The following ZNF506 variants were observed in gnomAD, a reference collection of about 807,000 sequenced individuals.
ZNF506 encodes zinc finger protein 506.
In ZNF506, 10 loss-of-function variants were observed where a neutral mutation model predicts 11.6. The observed-to-expected ratio is 0.86, with a 90% CI of 0.53 to 1.46. ZNF506 has a LOEUF of 1.46. Ranked by LOEUF, ZNF506 falls within the 40% of genes most tolerant of loss-of-function variation. The probability of loss-of-function intolerance (pLI) is 0.00; values close to 1 mark genes in which losing one functional copy is unlikely to be tolerated. For missense variants in ZNF506, 425 were observed against 521.2 expected, an observed-to-expected ratio of 0.82 and a Z score of 1.80; for synonymous variants, 156 against 173.3, an observed-to-expected ratio of 0.90 and a Z score of 0.78.
chr19:19,807,137 G>A (rs1410442939), intron 1 of ZNF506, 69 bp from the exon 2 acceptor site: 1 of 1,602,898 alleles, frequency 6.2e-7, no homozygotes, highest in Non-Finnish European at 8.5e-7. Flanking sequence ...GACTTCAGGT[G>A]AAATGAGAGA....
intron 2 of ZNF506, 80 bp from the exon 3 acceptor site, chr19:19,806,206 T>G: frequency 9.8e-7 from 1 of 1,024,698 alleles, no homozygotes; most frequent in East Asian, 3.0e-5. Flanking sequence ...GCAGAGAGGA[T>G]GTGATAAAGT....
chr19:19,818,349 C>G (rs777559180), intron 1 of ZNF506, among the ~76,000 whole-genome samples: 2 of 152,016 alleles, frequency 1.3e-5, no homozygotes, highest in Non-Finnish European at 2.9e-5. Flanking sequence ...ACAAATTTAC[C>G]CTGCAAAAAG....
In ZNF506 at chr19:19,808,171, C is replaced by T. The variant is rs560141181; in HGVS notation, c.4-1103G>A. Reference sequence around the variant, plus strand: ...CGGAGTCTCGCTAGGTCGCCCAGGCCGGAGTGCAGTGGCGCGATCTCGGCT... The same window carrying T: ...CGGAGTCTCGCTAGGTCGCCCAGGCTGGAGTGCAGTGGCGCGATCTCGGCT... On this transcript the variant is annotated intron_variant, in intron 1 of 3. Transcript: ENST00000540806. Among the ~76,000 whole-genome samples, 120 of 124,330 alleles carry T rather than the reference C, an allele frequency of 9.7e-4. 1 individual carries two copies. Among genetic ancestry groups the T allele is most frequent in the African/African-American group, 3.1e-3 (99 of 31,708 alleles). 81.6% of individuals were successfully genotyped at this position (124,330 alleles called of 152,430 possible).
chr19:19,802,204 CAAAAA>C (rs34663133), intron 3 of ZNF506, among the ~76,000 whole-genome samples: 4 of 97,546 alleles, frequency 4.1e-5, no homozygotes, highest in Non-Finnish European at 6.7e-5. Context: ...GACTCTATCT[CAAAAA>C]AAAAAAAAAA....
intron 1 of ZNF506, among the ~76,000 whole-genome samples, chr19:19,813,548 G>T (rs2062901006): frequency 6.6e-6 from 1 of 151,824 alleles, no homozygotes; most frequent in African/African-American, 2.4e-5. Flanking sequence ...CTCATAATTG[G>T]GTATATACCC....
intron 3 of ZNF506, among the ~76,000 whole-genome samples, chr19:19,801,705 C>A (rs1433456885): frequency 2.0e-5 from 3 of 150,222 alleles, no homozygotes; most frequent in African/African-American, 7.5e-5. Context: ...GCAGAAGAAT[C>A]TCTTGTACCC....
At chr19:19,810,505 T>C (rs1286089263) in intron 1 of ZNF506, among the ~76,000 whole-genome samples, 4 of 152,312 alleles carry the variant, frequency 2.6e-5, no homozygotes, top group Admixed American at 2.6e-4. Flanking sequence ...TTCCAGGATG[T>C]AGTTAAAGGT....
chr19:19,805,800 T>G (rs1316739369), intron 3 of ZNF506, among the ~76,000 whole-genome samples: 6 of 151,374 alleles, frequency 4.0e-5, no homozygotes, highest in Non-Finnish European at 8.8e-5. Flanking sequence ...TGAAGGAAGC[T>G]CACCGAAAGA....
intron 3 of ZNF506, chr19:19,798,670 A>AAG (rs2062765862): frequency 6.7e-6 from 1 of 150,076 alleles, no homozygotes; most frequent in African/African-American, 2.4e-5. Context: ...AAAAAAAAAA[A>AAG]AAAAAAGAAA....
chr19:19,798,465 G>T (rs981232317), intron 3 of ZNF506: 23 of 150,750 alleles, frequency 1.5e-4, no homozygotes, highest in African/African-American at 5.4e-4. Context: ...TGGCTAACAC[G>T]GTGAAACCCC....
chr19:19,805,545 C>T lies in ZNF506; in HGVS notation c.226+486G>A, dbSNP rs547782463. On this transcript the variant is annotated intron_variant, in intron 3 of 3. Coordinates refer to ENST00000540806, the MANE Select transcript of ZNF506 (RefSeq NM_001099269.3). The stretch of plus-strand genomic sequence containing the variant: ...AAGAACAAAGCAGAAGGATATCATA[C>T]TTAAAATTTCAAACTATACATTTCA... 3.3e-5 allele frequency among the ~76,000 whole-genome samples: 5 copies of T among 151,838 alleles called. No homozygotes were observed. The East Asian group carries it at 5.8e-4, about 18-fold the overall frequency.
chr19:19,815,214 C>T (rs1015646340), intron 1 of ZNF506, among the ~76,000 whole-genome samples: 9 of 152,240 alleles, frequency 5.9e-5, no homozygotes, highest in Admixed American at 2.0e-4. Context: ...GAGCCGAGAT[C>T]GCGCCACTGC....
Position 19,794,538 on chromosome 19 carries a change from C to T in ZNF506, c.*14G>A. ...CACATTCATCACATTCATACGGTTT[C>T]TCTCCAGTATGAATTATCTTATGCT... On this transcript the variant is annotated 3_prime_UTR_variant, in exon 4 of 4. Coordinates refer to ENST00000540806, the MANE Select transcript of ZNF506 (RefSeq NM_001099269.3). 1 of 1,570,366 alleles carries T rather than the reference C, an allele frequency of 6.4e-7. No individual in the cohort carries two copies.
In ZNF506 at chr19:19,806,969, C is replaced by CT; in HGVS notation, c.102dup (p.Glu35ArgfsTer15). 6.2e-7 allele frequency: 1 copy of CT among 1,613,758 alleles called. No homozygotes were observed. The highest frequency in any genetic ancestry group is 8.5e-7 in the Non-Finnish European group (1 of 1,179,884). ...AGGAAGATCAGGTTTCTGTAGTTCT[C>CT]TAACATCACATCCCTATATAGATTC... On this transcript the variant is annotated frameshift_variant, in exon 2 of 4. Coordinates refer to ENST00000540806, the MANE Select transcript of ZNF506 (RefSeq NM_001099269.3). LOFTEE classifies it high-confidence loss of function.
chr19:19,808,108 C>CTTTTTTTTT lies in ZNF506; in HGVS notation c.4-1049_4-1041dup, dbSNP rs757160026. 4.7e-3 allele frequency among the ~76,000 whole-genome samples: 265 copies of CTTTTTTTTT among 56,780 alleles called. 56 individuals are homozygous for CTTTTTTTTT. Among genetic ancestry groups the CTTTTTTTTT allele is most frequent in the African/African-American group, 8.0e-3 (104 of 12,970 alleles). The allele number at this position is 56,780 out of a possible 152,430, so 37.2% of individuals were successfully genotyped here. A position where few individuals can be genotyped will look rare whatever the true frequency, so the allele number is the denominator to read the frequency against. On this transcript the variant is annotated intron_variant, in intron 1 of 3. Transcript: ENST00000540806. ...ACTTAACCAAGTGAATCATTAACCA[C>CTTTTTTTTT]TTTTTTTTTTTTTTTTTTTTTTTTT...
At chr19:19,818,809 C>T (rs2062950968) in intron 1 of ZNF506, among the ~76,000 whole-genome samples, 3 of 151,988 alleles carry the variant, frequency 2.0e-5, no homozygotes, top group Admixed American at 2.0e-4. Context: ...TTGAAGCCAG[C>T]CTGGTCCATC....
Position 19,806,993 on chromosome 19 carries a change from T to C in ZNF506, c.79A>G (p.Asn27Asp). The C allele has an allele frequency of 6.2e-7, 1 of 1,614,080 alleles. No homozygotes were observed. The highest frequency in any genetic ancestry group is 8.5e-7 in the Non-Finnish European group (1 of 1,179,966). Residue 27 changes from asparagine to aspartate, a missense_variant, in exon 2 of 4, where the codon AAT becomes GAT. This residue lies in a region of ZNF506 where 226 missense variants were observed against 279.1 expected (regional missense o/e 0.81). Coordinates refer to ENST00000540806, the MANE Select transcript of ZNF506 (RefSeq NM_001099269.3). ...EWHCLDAAQR[N>D]LYRDVMLENY... ...TCTAACATCACATCCCTATATAGAT[T>C]CCGCTGTGCAGCGTCCAGGCAATGC...
Position 19,794,578 on chromosome 19 carries a change from G to T in ZNF506, c.1309C>A (p.Pro437Thr). ...TATCTTATGCTTATTAAGGGTTGAG[G>T]AACATTTAAAAGATTTTCCACATTC... ...VKNVENLLNV[P>T]QPLISIR The change falls in exon 4 of 4, where the codon CCT (proline) becomes ACT (threonine). Residue 437 changes from proline (P) to threonine (T), a missense_variant. Physicochemically the swap from Pro to Thr is conservative, Grantham distance 38. Around this residue, in one of 3 missense-constraint regions of ZNF506, gnomAD observed 192 missense variants for 215.7 expected, o/e 0.89. Transcript: ENST00000540806. 1 of 1,600,640 alleles carries T rather than the reference G, an allele frequency of 6.2e-7. No individual in the cohort carries two copies. Among genetic ancestry groups the T allele is most frequent in the Non-Finnish European group, 8.5e-7 (1 of 1,174,818 alleles).
At position 19,795,649 on chromosome 19, in the gene ZNF506, G is replaced by A. The variant is rs759480342; in HGVS notation, c.238C>T (p.His80Tyr). ...TCTGACCAAAGGTCTTGGGCAAAAT[G>A]AGAATACATAACTGAAAGAAACAAT... The part of the protein sequence containing the change: ...MIAKPPVMYS[H>Y]FAQDLWSEQS... The change falls in exon 4 of 4, where the codon CAT (histidine) becomes TAT (tyrosine). Residue 80 changes from histidine (H) to tyrosine (Y), a missense_variant. This residue lies in a region of ZNF506 where 226 missense variants were observed against 279.1 expected (regional missense o/e 0.81). Coordinates refer to ENST00000540806, the MANE Select transcript of ZNF506 (RefSeq NM_001099269.3). The A allele has an allele frequency of 6.7e-7, 1 of 1,500,084 alleles. No homozygotes were observed. The highest frequency in any genetic ancestry group is 8.9e-7 in the Non-Finnish European group (1 of 1,127,688). The allele number at this position is 1,500,084 out of a possible 1,614,324, so 92.9% of individuals were successfully genotyped here.
Sources: gnomAD v4.1 joint callset for allele counts (sites outside exome capture counted in the v4.1 genomes callset) on GRCh38, gnomAD v4.1.1 for gene constraint, gnomAD v4.1.1 regional missense constraint, MANE v1.5 for transcripts, NCBI Gene and HGNC (gene_info 2026-07-23, HGNC 2026-07-21) for gene names.